SUN3: variants seen among roughly 807,000 people sequenced by gnomAD.
SUN3 encodes the protein Sad1 and UNC84 domain containing 3, also known as SUN domain-containing protein 3.
In SUN3, 36 loss-of-function variants were observed where a neutral mutation model predicts 48.2. The ratio of observed to expected loss-of-function variants is 0.75; its 90% CI spans 0.57 to 0.99. The LOEUF (loss-of-function observed/expected upper bound fraction) is 0.99, where lower values mean the gene tolerates loss of function less well. Ranked by LOEUF, SUN3 falls within the 50% of genes least tolerant of loss-of-function variation. The pLI is 0.00. For synonymous variants in SUN3, 148 were observed against 147.9 expected (o/e 1.00, Z 0.00); for missense variants, 419 against 433.1 (o/e 0.97, Z 0.29).
At chr7:48,019,365 G>T (rs1003802205) in intron 2 of SUN3, among the ~76,000 whole-genome samples, 11 of 151,954 alleles carry the variant, frequency 7.2e-5, no homozygotes, top group Middle Eastern at 3.2e-3. Flanking sequence ...TCCTATAAAT[G>T]ATGTAATGAT....
the SUN3 span, among the ~76,000 whole-genome samples, chr7:48,034,469 A>G: frequency 6.6e-6 from 1 of 152,232 alleles, no homozygotes; most frequent in African/African-American, 2.4e-5. Flanking sequence ...ACAAGAGAAA[A>G]CCAAGGCTGC....
At chr7:48,016,525 G>A (rs972242120) in intron 3 of SUN3, among the ~76,000 whole-genome samples, 1 of 152,152 alleles carries the variant, frequency 6.6e-6, no homozygotes, top group Non-Finnish European at 1.5e-5. Context: ...AATGCTGGGG[G>A]TGGGGTGGAT....
the SUN3 span, among the ~76,000 whole-genome samples, chr7:48,034,906 G>A: frequency 3.3e-5 from 5 of 152,018 alleles, no homozygotes; most frequent in African/African-American, 1.2e-4. Flanking sequence ...AAGGAAGAAT[G>A]TTCACATGAT....
intron 4 of SUN3, among the ~76,000 whole-genome samples, 189 bp from the exon 5 acceptor site, chr7:48,007,516 A>G (rs79502148): frequency 0.026 from 3,993 of 152,112 alleles, 169 homozygotes; most frequent in African/African-American, 0.091. Flanking sequence ...AAACAAGGAC[A>G]TCCAGGGGTC....
Position 48,026,156 on chromosome 7 carries a change from C to T in SUN3, c.123-218G>A, listed in dbSNP as rs113140756. Reference sequence around the variant, plus strand: ...ACACACTCACCAGCATATATGAGTGCGCATACATAGAGTCATGCCTCTTAC... The same window carrying T: ...ACACACTCACCAGCATATATGAGTGTGCATACATAGAGTCATGCCTCTTAC... On this transcript the variant is annotated intron_variant, in intron 1 of 9. Transcript: ENST00000297325. 9.9e-4 allele frequency among the ~76,000 whole-genome samples: 151 copies of T among 152,046 alleles called. 1 individual carries two copies. Among genetic ancestry groups the T allele is most frequent in the Non-Finnish European group, 1.8e-3 (124 of 67,994 alleles).
rs1444492292 is a variant in SUN3, at chr7:48,027,411, G to A, written c.122+1406C>T. Among the ~76,000 whole-genome samples the A allele has an allele frequency of 7.2e-5, 11 of 152,226 alleles. 1 individual carries two copies. The highest frequency in any genetic ancestry group is 5.8e-4 in the East Asian group (3 of 5,182). On this transcript the variant is annotated intron_variant, in intron 1 of 9. Coordinates refer to ENST00000297325, the MANE Select transcript of SUN3 (RefSeq NM_001030019.2). ...GGGTCATAGGATACATGCATAATCC[G>A]TTGCAGTAGATTTTGCTCAGTGTTA...
At position 48,007,174 on chromosome 7, in the gene SUN3, G is replaced by A. The variant is rs145043926; in HGVS notation, c.483C>T (p.Asp161=). 56 of 1,613,692 alleles carry A rather than the reference G, an allele frequency of 3.5e-5. No individual in the cohort carries two copies. The highest frequency in any genetic ancestry group is 5.9e-6 in the Non-Finnish European group (7 of 1,179,876). ...TAGCCTCATCCAGGACCTCTGTGTG[G>A]TCCGGGTCCTCCACAGGGTCTCCAT... ...NTHGDPVEDP[D]HTEEVSNLVN... Residue 161 remains aspartate, a synonymous_variant, in exon 5 of 10, where the codon GAC becomes GAT. Coordinates refer to ENST00000297325, the MANE Select transcript of SUN3 (RefSeq NM_001030019.2).
At chr7:48,001,522 G>GT (rs1286421253) in intron 6 of SUN3, among the ~76,000 whole-genome samples, 12,724 of 120,212 alleles carry the variant, frequency 0.11, 2,122 homozygotes, top group Non-Finnish European at 0.16. Context: ...TGTCTTTTCT[G>GT]TTTTTTTTGT....
Position 47,996,031 on chromosome 7 carries a change from CT to C in SUN3, c.692del (p.Gln231ArgfsTer20). On this transcript the variant is annotated frameshift_variant and splice_region_variant, in exon 7 of 10. Transcript: ENST00000297325. LOFTEE classifies it high-confidence loss of function. ...NHEMPPDIIL[Q>X]PDVYPGKCWA... ...TAAGTGATTCTTAATTTAGCTTTAC[CT>C]GAAGAATAATATCTGGAGGCATTTC... 6.8e-7 allele frequency: 1 copy of C among 1,469,146 alleles called. No individual in the cohort carries two copies. The highest frequency in any genetic ancestry group is 9.2e-7 in the Non-Finnish European group (1 of 1,090,462). The allele number at this position is 1,469,146 out of a possible 1,614,324, so 91.0% of individuals were successfully genotyped here.
At chr7:48,013,676 A>T (rs928360335) in intron 3 of SUN3, among the ~76,000 whole-genome samples, 7 of 152,242 alleles carry the variant, frequency 4.6e-5, no homozygotes, top group African/African-American at 1.7e-4. Context: ...ACATGTCATT[A>T]TAAAATAATA....
chr7:47,999,876 T>C (rs750152355), intron 6 of SUN3, among the ~76,000 whole-genome samples: 1 of 152,216 alleles, frequency 6.6e-6, no homozygotes, highest in Non-Finnish European at 1.5e-5. Flanking sequence ...ATCTCTGTAT[T>C]TTTAAGTAAT....
upstream of SUN3, among the ~76,000 whole-genome samples, chr7:48,029,723 C>T (rs773160544): frequency 1.6e-4 from 24 of 152,114 alleles, no homozygotes; most frequent in Non-Finnish European, 3.2e-4. Flanking sequence ...AAACATACAC[C>T]TAGAAACAGA....
intron 3 of SUN3, among the ~76,000 whole-genome samples, chr7:48,014,765 A>G (rs2128779818): frequency 6.6e-6 from 1 of 152,284 alleles, no homozygotes; most frequent in East Asian, 1.9e-4. Context: ...ATATATAGAG[A>G]GAGATTTATT....
chr7:48,022,791 T>C (rs12702407), intron 2 of SUN3, among the ~76,000 whole-genome samples: 3,670 of 152,166 alleles, frequency 0.024, 64 homozygotes, highest in Middle Eastern at 0.058. Context: ...CCTTGTTATA[T>C]AGAAGAAAGT....
chr7:48,034,619 G>A, the SUN3 span, among the ~76,000 whole-genome samples: 22 of 152,252 alleles, frequency 1.4e-4, no homozygotes, highest in Non-Finnish European at 1.9e-4. Context: ...AGGGCTTTCT[G>A]GGTATCAAAA....
At chr7:48,001,306 T>A (rs1385178995) in intron 6 of SUN3, among the ~76,000 whole-genome samples, 3 of 152,150 alleles carry the variant, frequency 2.0e-5, no homozygotes, top group African/African-American at 7.2e-5. Context: ...TTCTCATCAT[T>A]TAGCTCCCAC....
At chr7:48,028,128 T>C (rs1362192426) in intron 1 of SUN3, among the ~76,000 whole-genome samples, 1 of 152,182 alleles carries the variant, frequency 6.6e-6, no homozygotes, top group African/African-American at 2.4e-5. Flanking sequence ...CTTGTACTAA[T>C]AACTTTGTAG....
upstream of SUN3, among the ~76,000 whole-genome samples, chr7:48,032,677 C>A (rs571419193): frequency 6.6e-6 from 1 of 152,348 alleles, no homozygotes; most frequent in Admixed American, 6.5e-5. Flanking sequence ...AAAAGCCCCT[C>A]CAGTTGGTGG....
At chr7:48,015,890 T>C (rs1399329440) in intron 3 of SUN3, among the ~76,000 whole-genome samples, 1 of 152,158 alleles carries the variant, frequency 6.6e-6, no homozygotes, top group Non-Finnish European at 1.5e-5. Context: ...TGAAACAAAA[T>C]TGATAACAGT....
Sources: gnomAD v4.1 joint callset for allele counts (sites outside exome capture counted in the v4.1 genomes callset) on GRCh38, gnomAD v4.1.1 for gene constraint, MANE v1.5 for transcripts, NCBI Gene and HGNC (gene_info 2026-07-23, HGNC 2026-07-21) for gene names.